The following TNFRSF21 variants were observed in gnomAD, a reference collection of about 807,000 sequenced individuals.
TNFRSF21 encodes the protein tumor necrosis factor receptor superfamily member 21.
Under a neutral mutation model 45.6 loss-of-function variants are expected in TNFRSF21, and 19 were observed. The ratio of observed to expected loss-of-function variants is 0.42; its 90% CI spans 0.29 to 0.61. The LOEUF (loss-of-function observed/expected upper bound fraction) is 0.61. Among genes scored for constraint, TNFRSF21 ranks in the 20% least tolerant of loss-of-function variants. The pLI is 0.23. For synonymous variants in TNFRSF21, 314 were observed against 335.5 expected, an observed-to-expected ratio of 0.94 and a Z score of 0.70; for missense variants, 737 against 851.5, an observed-to-expected ratio of 0.87 and a Z score of 1.67.
In TNFRSF21 at chr6:47,289,363, C is replaced by A. The variant is rs529251177; in HGVS notation, c.97-2768G>T. On this transcript the variant is annotated intron_variant, in intron 1 of 5. Coordinates refer to ENST00000296861, the MANE Select transcript of TNFRSF21 (RefSeq NM_014452.5). ...TGAATCAAAAGTATTTCCCTGAAGT[C>A]CCTTCCCCTGTCCCAGAGCTGCCTA... 2.0e-5 allele frequency among the ~76,000 whole-genome samples: 3 copies of A among 152,302 alleles called. No individual in the cohort carries two copies. In the East Asian group the frequency reaches 5.8e-4, roughly 29 times the overall value.
rs77455955 is a variant in TNFRSF21, at chr6:47,242,846, G to C, written c.1510-7948C>G. Among the ~76,000 whole-genome samples the C allele has an allele frequency of 1.6e-3, 243 of 152,342 alleles. 4 individuals are homozygous for C. In the East Asian group the frequency reaches 0.045, roughly 28 times the overall value. On this transcript the variant is annotated intron_variant, in intron 4 of 5. Transcript: ENST00000296861. ...GACTTTTAAGAGCTCAGCACCATCG[G>C]AACATGAGGAGATCATGCTCCATTG...
In TNFRSF21 at chr6:47,258,240, C is replaced by T. The variant is rs560759364; in HGVS notation, c.1244-4719G>A. On this transcript the variant is annotated intron_variant, in intron 3 of 5. Coordinates refer to ENST00000296861, the MANE Select transcript of TNFRSF21 (RefSeq NM_014452.5). ...AAAAAATTAGCGAGGCGTGGTGGTG[C>T]ACACCTGTAATCCCAGCTACTCAGG... is the stretch of plus-strand genomic sequence containing the variant. 7.9e-5 allele frequency among the ~76,000 whole-genome samples: 12 copies of T among 151,848 alleles called. No individual in the cohort carries two copies. In the South Asian group the frequency reaches 1.0e-3, roughly 13 times the overall value.
At chr6:47,307,577 T>G (rs566827058) in intron 1 of TNFRSF21, among the ~76,000 whole-genome samples, 1 of 152,208 alleles carries the variant, frequency 6.6e-6, no homozygotes, top group East Asian at 1.9e-4. Context: ...TCTCACTATG[T>G]TGCCCAGGCA....
At chr6:47,278,081 G>A (rs765386138) in intron 3 of TNFRSF21, among the ~76,000 whole-genome samples, 11 of 152,130 alleles carry the variant, frequency 7.2e-5, no homozygotes, top group Non-Finnish European at 1.3e-4. Flanking sequence ...TTTGAAATAA[G>A]CAAATCAGAT....
rs77910345 is a variant in TNFRSF21, at chr6:47,263,444, T to C, written c.1244-9923A>G. Among the ~76,000 whole-genome samples the C allele has an allele frequency of 3.4e-3, 521 of 152,232 alleles. 1 individual carries two copies. Among genetic ancestry groups the C allele is most frequent in the African/African-American group, 0.012 (501 of 41,524 alleles). ...GGGTCACCAAGGGAGAGAGAGTGTG[T>C]ACATTGAAAAGAGGTGCAAGCACTG... On this transcript the variant is annotated intron_variant, in intron 3 of 5. Transcript: ENST00000296861.
In TNFRSF21 at chr6:47,290,533, C is replaced by T. The variant is rs563775531; in HGVS notation, c.97-3938G>A. On this transcript the variant is annotated intron_variant, in intron 1 of 5. Coordinates refer to ENST00000296861, the MANE Select transcript of TNFRSF21 (RefSeq NM_014452.5). ...AAAACCCACCTCCAAACCCCACAGC[C>T]CCAACACTCTTTCTCAGACTGTAAG... Among the ~76,000 whole-genome samples, 4 of 151,880 alleles carry T rather than the reference C, an allele frequency of 2.6e-5. No homozygotes were observed. The South Asian group carries it at 8.3e-4, about 32-fold the overall frequency.
At chr6:47,296,817 T>A (rs1404192019) in intron 1 of TNFRSF21, among the ~76,000 whole-genome samples, 1 of 152,154 alleles carries the variant, frequency 6.6e-6, no homozygotes, top group Non-Finnish European at 1.5e-5. Context: ...TTGTATCCTT[T>A]ATTATATCTT....
At chr6:47,266,268 T>A (rs532837426) in intron 3 of TNFRSF21, among the ~76,000 whole-genome samples, 1 of 152,136 alleles carries the variant, frequency 6.6e-6, no homozygotes, top group East Asian at 1.9e-4. Context: ...ATTTGACCAA[T>A]CCTAAAAGAG....
chr6:47,242,593 G>C (rs1294893485), intron 4 of TNFRSF21, among the ~76,000 whole-genome samples: 2 of 152,176 alleles, frequency 1.3e-5, no homozygotes, highest in Admixed American at 6.5e-5. Flanking sequence ...TGCCAAAGCT[G>C]GTAAGAACCA....
rs374645536 is a variant in TNFRSF21 at position 47,284,219 on chromosome 6, C to A, written c.962G>T (p.Gly321Val). The change falls in exon 3 of 6, where the codon GGC (glycine) becomes GTC (valine). Residue 321 changes from glycine to valine, a missense_variant. Gly to Val is a moderately radical substitution (Grantham distance 109, BLOSUM62 -3). Transcript: ENST00000296861. The part of the protein sequence containing the change: ...KLLPSMEATG[G>V]EKSSTPIKGP... ...CTTGATGGGCGTGCTGGACTTCTCGCCCCCAGTGGCCTCCATGGACGGCAG... is the reference window on the plus strand; with the variant it reads ...CTTGATGGGCGTGCTGGACTTCTCGACCCCAGTGGCCTCCATGGACGGCAG... The A allele has an allele frequency of 1.2e-6, 2 of 1,613,914 alleles. No individual in the cohort carries two copies. The highest frequency in any genetic ancestry group is 1.7e-6 in the Non-Finnish European group (2 of 1,179,958).
chr6:47,280,932 T>G (rs1762557804), intron 3 of TNFRSF21, among the ~76,000 whole-genome samples: 1 of 152,190 alleles, frequency 6.6e-6, no homozygotes, highest in Non-Finnish European at 1.5e-5. Flanking sequence ...GTTCCAGATA[T>G]TTAATTATCT....
chr6:47,268,336 C>T (rs7763487), intron 3 of TNFRSF21, among the ~76,000 whole-genome samples: 4,962 of 152,272 alleles, frequency 0.033, 278 homozygotes, highest in African/African-American at 0.11. Flanking sequence ...GGAAGTATTA[C>T]TTCTCTCCCT....
chr6:47,304,052 C>T (rs2113871534), intron 1 of TNFRSF21, among the ~76,000 whole-genome samples: 1 of 152,270 alleles, frequency 6.6e-6, no homozygotes, highest in Non-Finnish European at 1.5e-5. Flanking sequence ...GGACACATGC[C>T]CAAAGCTCTG....
chr6:47,236,739 C>T (rs1764669548), intron 4 of TNFRSF21, among the ~76,000 whole-genome samples: 2 of 152,172 alleles, frequency 1.3e-5, no homozygotes, highest in Non-Finnish European at 2.9e-5. Flanking sequence ...GCATGCCCCT[C>T]CTCCTTGAAA....
At chr6:47,251,650 A>G (rs550629478) in intron 4 of TNFRSF21, among the ~76,000 whole-genome samples, 5 of 152,310 alleles carry the variant, frequency 3.3e-5, no homozygotes, top group Middle Eastern at 3.4e-3. Context: ...ATTCTCACGT[A>G]TCTAAATCCT....
chr6:47,239,285 CAAAAAAAAAAA>C (rs548172761), intron 4 of TNFRSF21, among the ~76,000 whole-genome samples: 9 of 57,368 alleles, frequency 1.6e-4, no homozygotes, highest in Admixed American at 4.1e-4. Context: ...GACTCCATCT[CAAAAAAAAAAA>C]AAAAAAAAAA....
Position 47,253,387 on chromosome 6 carries a change from AG to A in TNFRSF21, c.1377del (p.Tyr460ThrfsTer19), listed in dbSNP as rs1265167885. ...SNGYTADHERAYAALQHWTIR... is the reference protein window; with the variant it reads ...SNGYTADHERXYAALQHWTIR... ...ATGGTCCAGTGCTGCAGAGCTGCGT[AG>A]GCCCGCTCGTGGTCGGCTGTGTACC... On this transcript the variant is annotated frameshift_variant, in exon 4 of 6. Transcript: ENST00000296861. LOFTEE classifies it high-confidence loss of function. 1 of 1,614,170 alleles carries A rather than the reference AG, an allele frequency of 6.2e-7. No individual in the cohort carries two copies.
At chr6:47,246,355 A>G (rs1456796238) in intron 4 of TNFRSF21, among the ~76,000 whole-genome samples, 1 of 152,240 alleles carries the variant, frequency 6.6e-6, no homozygotes, top group Non-Finnish European at 1.5e-5. Flanking sequence ...CCCCTGCTCT[A>G]TGTCAAGTGC....
intron 3 of TNFRSF21, among the ~76,000 whole-genome samples, chr6:47,272,800 A>C (rs1320379306): frequency 6.6e-6 from 1 of 152,240 alleles, no homozygotes; most frequent in Non-Finnish European, 1.5e-5. Flanking sequence ...GAGAAGAATC[A>C]AATTGATGCA....
Sources: allele counts gnomAD v4.1 joint callset (sites outside exome capture counted in the v4.1 genomes callset), GRCh38; gene constraint gnomAD v4.1.1; transcripts MANE v1.5; gene names NCBI Gene and HGNC (gene_info 2026-07-23, HGNC 2026-07-21).